WDR7: variants seen among roughly 807,000 people sequenced by gnomAD.
The protein encoded by WDR7 is WD repeat-containing protein 7.
WDR7 carries 46 observed loss-of-function variants against 169.4 expected under a neutral mutation model. The observed-to-expected ratio is 0.27, with a 90% confidence interval of 0.21 to 0.35. The LOEUF is 0.35. Ranked by LOEUF, WDR7 falls within the 10% of genes least tolerant of loss-of-function variation. WDR7 has a pLI of 1.00. For missense variants in WDR7, 1,534 were observed against 1,859.3 expected (o/e 0.83, Z 3.22); for synonymous variants, 612 against 666.8 (o/e 0.92, Z 1.27).
intron 20 of WDR7, among the ~76,000 whole-genome samples, chr18:56,817,531 A>G (rs2044999884): frequency 6.6e-6 from 1 of 152,042 alleles, no homozygotes; most frequent in Admixed American, 6.6e-5. Flanking sequence ...TAATATTGCC[A>G]GAGTTGGGGA....
chr18:57,025,811 G>C (rs2048359178), intron 27 of WDR7, among the ~76,000 whole-genome samples: 1 of 152,174 alleles, frequency 6.6e-6, no homozygotes, highest in Non-Finnish European at 1.5e-5. Flanking sequence ...CTTGTGTTTT[G>C]CACTGATCCA....
chr18:56,687,722 C>T (rs774009023), intron 7 of WDR7, among the ~76,000 whole-genome samples: 9 of 152,056 alleles, frequency 5.9e-5, no homozygotes, highest in Non-Finnish European at 1.2e-4. Context: ...GAACTCCTGG[C>T]CTCAAAGGAT....
chr18:56,765,660 A>C (rs967170005), intron 16 of WDR7, among the ~76,000 whole-genome samples: 1 of 152,180 alleles, frequency 6.6e-6, no homozygotes, highest in South Asian at 2.1e-4. Context: ...ATAAGAAAAA[A>C]TACATATTTA....
chr18:56,795,885 AAC>A (rs2044576120), intron 19 of WDR7, among the ~76,000 whole-genome samples: 1 of 152,220 alleles, frequency 6.6e-6, no homozygotes. Context: ...CCAAGTTGAT[AAC>A]ACAGTTACAT....
At chr18:56,950,125 A>G (rs1187974053) in intron 25 of WDR7, among the ~76,000 whole-genome samples, 2 of 152,194 alleles carry the variant, frequency 1.3e-5, no homozygotes, top group East Asian at 1.9e-4. Flanking sequence ...AGTCAATCTG[A>G]CGAGTGTTTT....
chr18:56,882,106 C>T (rs757745832), intron 21 of WDR7, among the ~76,000 whole-genome samples: 1 of 152,206 alleles, frequency 6.6e-6, no homozygotes, highest in African/African-American at 2.4e-5. Flanking sequence ...CCTACCTCCC[C>T]ACTCGGGCTT....
chr18:56,931,109 G>A (rs2046877931), intron 22 of WDR7, among the ~76,000 whole-genome samples: 1 of 152,044 alleles, frequency 6.6e-6, no homozygotes, highest in Non-Finnish European at 1.5e-5. Context: ...GTAAAGCAGA[G>A]AGTCTGTCAT....
Position 56,829,800 on chromosome 18 carries a change from G to A in WDR7, c.3304+13656G>A, listed in dbSNP as rs184257185. Among the ~76,000 whole-genome samples the A allele has an allele frequency of 2.2e-3, 328 of 152,290 alleles. 3 individuals are homozygous for A. The highest frequency in any genetic ancestry group is 7.7e-3 in the African/African-American group (319 of 41,562). ...CAGGAGGAAGAAGGCAGGAGAAAGC[G>A]TGTGAATGTGGTATGTGAATGTGTG... On this transcript the variant is annotated intron_variant, in intron 20 of 27. Transcript: ENST00000254442.
At chr18:56,952,066 A>G (rs1361372221) in intron 25 of WDR7, among the ~76,000 whole-genome samples, 1 of 152,230 alleles carries the variant, frequency 6.6e-6, no homozygotes, top group Non-Finnish European at 1.5e-5. Flanking sequence ...TCCACCTGTG[A>G]TATCTCAGAT....
chr18:56,859,161 A>G (rs939865437), intron 20 of WDR7, among the ~76,000 whole-genome samples: 1 of 152,158 alleles, frequency 6.6e-6, no homozygotes, highest in Non-Finnish European at 1.5e-5. Context: ...CTTCCTCTGA[A>G]TATCTATGAC....
chr18:56,932,874 GGTGTGTGTGTGT>G (rs34838445), intron 22 of WDR7, among the ~76,000 whole-genome samples: 29 of 131,992 alleles, frequency 2.2e-4, no homozygotes, highest in Admixed American at 7.1e-5. Flanking sequence ...CTTCATTCTG[GGTGTGTGTGTGT>G]GTGTGTGTGT....
At chr18:56,872,292 A>G (rs949040838) in intron 20 of WDR7, among the ~76,000 whole-genome samples, 20 of 152,168 alleles carry the variant, frequency 1.3e-4, no homozygotes, top group Admixed American at 1.3e-3. Context: ...AGAGTTATTT[A>G]GTAAAGTGCT....
At chr18:57,015,003 C>T (rs951873979) in intron 26 of WDR7, among the ~76,000 whole-genome samples, 1 of 152,104 alleles carries the variant, frequency 6.6e-6, no homozygotes, top group Non-Finnish European at 1.5e-5. Context: ...GCTTCAACTG[C>T]AGTGTTTTGG....
intron 1 of WDR7, among the ~76,000 whole-genome samples, chr18:56,653,443 G>A (rs749358358): frequency 2.0e-5 from 3 of 152,160 alleles, no homozygotes; most frequent in African/African-American, 7.2e-5. Flanking sequence ...CTGACCTCAG[G>A]TGATCCACCA....
At chr18:56,815,223 G>T (rs2044944587) in intron 19 of WDR7, among the ~76,000 whole-genome samples, 1 of 152,156 alleles carries the variant, frequency 6.6e-6, no homozygotes, top group African/African-American at 2.4e-5. Flanking sequence ...TCCTAGAGTA[G>T]CTTCTAATGG....
Position 56,853,216 on chromosome 18 carries a change from A to AT in WDR7, c.3305-26727dup, listed in dbSNP as rs141698878. Among the ~76,000 whole-genome samples the AT allele has an allele frequency of 5.0e-3, 760 of 152,314 alleles. 5 individuals carry two copies. The highest frequency in any genetic ancestry group is 0.018 in the African/African-American group (731 of 41,580). On this transcript the variant is annotated intron_variant, in intron 20 of 27. Coordinates refer to ENST00000254442, the MANE Select transcript of WDR7 (RefSeq NM_015285.3). ...CAAAACAGTAACTGTTAACATAGTGATGACTTTCTTCCAGTCCTCTTTTCT... is the reference window on the plus strand; with the variant it reads ...CAAAACAGTAACTGTTAACATAGTGATTGACTTTCTTCCAGTCCTCTTTTCT...
chr18:56,687,653 G>T (rs942613757), intron 7 of WDR7, among the ~76,000 whole-genome samples: 1 of 152,002 alleles, frequency 6.6e-6, no homozygotes, highest in African/African-American at 2.4e-5. Flanking sequence ...AAGAGATGTG[G>T]TCTCATTCTG....
At chr18:56,801,580 A>G (rs922367689) in intron 19 of WDR7, among the ~76,000 whole-genome samples, 3 of 152,200 alleles carry the variant, frequency 2.0e-5, no homozygotes, top group Non-Finnish European at 2.9e-5. Context: ...TAGCACTTCA[A>G]TAATTTCCTT....
chr18:56,663,177 C>T (rs556382609), intron 1 of WDR7, among the ~76,000 whole-genome samples: 6 of 152,336 alleles, frequency 3.9e-5, no homozygotes, highest in Non-Finnish European at 7.3e-5. Context: ...CCACATTTAA[C>T]CTTTATCACC....
Sources: allele counts gnomAD v4.1 joint callset (sites outside exome capture counted in the v4.1 genomes callset), GRCh38; gene constraint gnomAD v4.1.1; transcripts MANE v1.5; gene names NCBI Gene and HGNC (gene_info 2026-07-23, HGNC 2026-07-21).